LRRC18: variants seen among roughly 807,000 people sequenced by gnomAD.
The protein encoded by LRRC18 is leucine-rich repeat-containing protein 18.
Under a neutral mutation model 11.2 loss-of-function variants are expected in LRRC18, and 12 were observed. The observed-to-expected ratio is 1.07, with a 90% confidence interval of 0.69 to 1.74. LRRC18 has a LOEUF of 1.74. LRRC18 is among the 40% of genes most tolerant of loss of function. The pLI is 0.00. For synonymous variants in LRRC18, 155 were observed against 130.6 expected (o/e 1.19, Z -1.27); for missense variants, 374 against 330.5 (o/e 1.13, Z -1.02).
chr10:48,938,716 G>T, the LRRC18 span, among the ~76,000 whole-genome samples: 5 of 151,866 alleles, frequency 3.3e-5, no homozygotes, highest in African/African-American at 4.9e-5. Context: ...AAGCTCGTCT[G>T]GGGGGGTAAA....
At chr10:48,934,728 CGAA>C in the LRRC18 span, among the ~76,000 whole-genome samples, 2 of 152,180 alleles carry the variant, frequency 1.3e-5, no homozygotes, top group African/African-American at 4.8e-5. Flanking sequence ...CCCTCCTGAA[CGAA>C]GAAGCAGTCA....
At chr10:48,920,094 T>C in the LRRC18 span, among the ~76,000 whole-genome samples, 1 of 151,544 alleles carries the variant, frequency 6.6e-6, no homozygotes, top group South Asian at 2.1e-4. Flanking sequence ...AATCAGTTAA[T>C]GTAACATACC....
At chr10:48,923,505 T>C in the LRRC18 span, among the ~76,000 whole-genome samples, 1 of 141,512 alleles carries the variant, frequency 7.1e-6, no homozygotes, top group Non-Finnish European at 1.5e-5. Context: ...AGTATATATA[T>C]ATATATATGT....
At chr10:48,917,557 C>T (rs1838665229), upstream of LRRC18, among the ~76,000 whole-genome samples, 1 of 152,214 alleles carries the variant, frequency 6.6e-6, no homozygotes, top group Non-Finnish European at 1.5e-5. Flanking sequence ...GGTTTCTCAT[C>T]AGAAACCACA....
chr10:48,924,350 T>A, the LRRC18 span, among the ~76,000 whole-genome samples: 1 of 152,226 alleles, frequency 6.6e-6, no homozygotes, highest in African/African-American at 2.4e-5. Flanking sequence ...GAAGCCATGA[T>A]CTTTTGATCA....
At chr10:48,912,162 G>A (rs1468673603) in intron 1 of LRRC18, among the ~76,000 whole-genome samples, 1 of 152,238 alleles carries the variant, frequency 6.6e-6, no homozygotes, top group Non-Finnish European at 1.5e-5. Flanking sequence ...CAGCTATTGT[G>A]AGGATTGACT....
upstream of LRRC18, among the ~76,000 whole-genome samples, chr10:48,917,511 A>G (rs1838659908): frequency 6.6e-6 from 1 of 152,252 alleles, no homozygotes; most frequent in Admixed American, 6.5e-5. Context: ...ACAATGACGT[A>G]TCACCCACAG....
the LRRC18 span, among the ~76,000 whole-genome samples, chr10:48,919,867 CA>C: frequency 0.33 from 50,481 of 150,858 alleles, 8,895 homozygotes; most frequent in Non-Finnish European, 0.39. Flanking sequence ...TGATCTCTTT[CA>C]AAAAAAAATA....
At chr10:48,937,912 T>G in the LRRC18 span, among the ~76,000 whole-genome samples, 19 of 152,160 alleles carry the variant, frequency 1.2e-4, no homozygotes, top group Non-Finnish European at 1.8e-4. Flanking sequence ...ACTCTGTCCC[T>G]GCCACACTCT....
the LRRC18 span, among the ~76,000 whole-genome samples, chr10:48,933,422 T>C: frequency 6.6e-6 from 1 of 152,240 alleles, no homozygotes; most frequent in Non-Finnish European, 1.5e-5. Context: ...AGCTGCCATC[T>C]GGCTTTTCCA....
exon 2 of LRRC18, chr10:48,910,160 C>T: frequency 5.2e-6 from 7 of 1,356,794 alleles, no homozygotes; most frequent in Non-Finnish European, 6.3e-6. Context: ...TCTGTCTTCT[C>T]CTAACTGGGG....
At chr10:48,931,095 A>AC in the LRRC18 span, among the ~76,000 whole-genome samples, 1 of 31,040 alleles carries the variant, frequency 3.2e-5, no homozygotes, top group African/African-American at 6.4e-5. Flanking sequence ...ACTCACACTC[A>AC]AACACACACA....
upstream of LRRC18, among the ~76,000 whole-genome samples, chr10:48,915,135 A>AC (rs1838394656): frequency 3.3e-5 from 5 of 152,304 alleles, 1 homozygote; most frequent in South Asian, 1.0e-3. Context: ...GAAAACAGAC[A>AC]CCCTTACAGA....
At chr10:48,936,878 C>CATAATTTT in the LRRC18 span, among the ~76,000 whole-genome samples, 1 of 149,580 alleles carries the variant, frequency 6.7e-6, no homozygotes. Context: ...TAAAAGTGCT[C>CATAATTTT]ATAATTTTGG....
upstream of LRRC18, among the ~76,000 whole-genome samples, chr10:48,914,512 C>A (rs556740563): frequency 4.8e-4 from 73 of 152,292 alleles, no homozygotes; most frequent in African/African-American, 1.8e-3. Flanking sequence ...TAAATACTCT[C>A]CACTGTCCCA....
At chr10:48,934,186 T>C in the LRRC18 span, among the ~76,000 whole-genome samples, 1 of 152,356 alleles carries the variant, frequency 6.6e-6, no homozygotes, top group Non-Finnish European at 1.5e-5. Flanking sequence ...TGTTGTTCCA[T>C]ACTTGGTTCA....
chr10:48,910,163 A>T, exon 2 of LRRC18: 1 of 1,370,458 alleles, frequency 7.3e-7, no homozygotes, highest in Non-Finnish European at 1.0e-6. Flanking sequence ...GTCTTCTCCT[A>T]ACTGGGGGCT....
the LRRC18 span, among the ~76,000 whole-genome samples, chr10:48,934,995 C>G: frequency 6.6e-6 from 1 of 152,172 alleles, no homozygotes; most frequent in South Asian, 2.1e-4. Context: ...GCTTCCTCCT[C>G]TCCTAAATAA....
chr10:48,923,496 G>GTATATATATATATACATATATATATA, the LRRC18 span, among the ~76,000 whole-genome samples: 2 of 63,214 alleles, frequency 3.2e-5, 1 homozygote, highest in African/African-American at 6.9e-5. Flanking sequence ...ATAGTTTTTA[G>GTATATATATATATACATATATATATA]TATATATATA....
Sources: gnomAD v4.1 joint callset for allele counts (sites outside exome capture counted in the v4.1 genomes callset) on GRCh38, gnomAD v4.1.1 for gene constraint, MANE v1.5 for transcripts, NCBI Gene and HGNC (gene_info 2026-07-23, HGNC 2026-07-21) for gene names.